Variants in NTRK2 observed in about 807,000 individuals in gnomAD.
The protein encoded by NTRK2 is BDNF/NT-3 growth factors receptor.
NTRK2 carries 13 observed loss-of-function variants against 94.5 expected under a neutral mutation model. That is an observed-to-expected ratio of 0.14 (90% CI 0.09 to 0.22). NTRK2 has a LOEUF of 0.22. NTRK2 is among the 10% of genes least tolerant of loss of function. NTRK2 has a pLI of 1.00. For synonymous variants in NTRK2, 372 were observed against 407.4 expected (o/e 0.91, Z 1.05); for missense variants, 639 against 1,071.2 (o/e 0.60, Z 5.63).
intron 12 of NTRK2, among the ~76,000 whole-genome samples, chr9:84,776,971 TCTC>T (rs1242226397): frequency 8.5e-5 from 13 of 152,198 alleles, no homozygotes; most frequent in African/African-American, 3.1e-4. Context: ...GAGAGAACTG[TCTC>T]CTCCTAATAG....
chr9:84,752,681 CTT>C (rs1189613761), intron 12 of NTRK2, among the ~76,000 whole-genome samples: 1 of 152,104 alleles, frequency 6.6e-6, no homozygotes, highest in Non-Finnish European at 1.5e-5. Context: ...AAATAGATAA[CTT>C]GTCTTTTTTT....
chr9:84,885,683 C>T (rs2076392105), intron 14 of NTRK2, among the ~76,000 whole-genome samples: 1 of 152,148 alleles, frequency 6.6e-6, no homozygotes, highest in African/African-American at 2.4e-5. Context: ...GGTTTTCCTA[C>T]TGACATCTTG....
chr9:84,924,077 T>A (rs917561180), intron 14 of NTRK2, among the ~76,000 whole-genome samples: 1 of 151,900 alleles, frequency 6.6e-6, no homozygotes, highest in Non-Finnish European at 1.5e-5. Context: ...GCTGGCGTGG[T>A]GGCACGCATC....
intron 2 of NTRK2, among the ~76,000 whole-genome samples, chr9:84,694,916 G>A (rs929554953): frequency 1.3e-5 from 2 of 151,762 alleles, no homozygotes; most frequent in Non-Finnish European, 2.9e-5. Flanking sequence ...GGTGGCTCAC[G>A]TCTGTAATGC....
intron 8 of NTRK2, 81 bp from the exon 9 acceptor site, chr9:84,727,573 C>G (rs1471604069): frequency 1.5e-6 from 2 of 1,360,812 alleles, no homozygotes; most frequent in African/African-American, 2.9e-5. Flanking sequence ...GAGTAAAATT[C>G]CCTATCAATG....
In NTRK2 at chr9:84,702,431, T is replaced by C. The variant is rs1178252143; in HGVS notation, c.359+12T>C. ...AACCTGCAGCACATGTAAGTAGAGATTGATTCTTTTGCTTCCCAGGACCCA... is the reference window on the plus strand; with the variant it reads ...AACCTGCAGCACATGTAAGTAGAGACTGATTCTTTTGCTTCCCAGGACCCA... On this transcript the variant is annotated intron_variant, in intron 4 of 18. Coordinates refer to ENST00000277120, the MANE Select transcript of NTRK2 (RefSeq NM_006180.6). 6 of 1,609,174 alleles carry C rather than the reference T, an allele frequency of 3.7e-6. No homozygotes were observed. Among genetic ancestry groups the C allele is most frequent in the Middle Eastern group, 1.7e-4 (1 of 6,058 alleles).
intron 14 of NTRK2, among the ~76,000 whole-genome samples, chr9:84,897,163 A>C (rs1052980780): frequency 7.2e-5 from 11 of 151,928 alleles, no homozygotes; most frequent in African/African-American, 2.4e-4. Flanking sequence ...TCTGAGACGG[A>C]GTCTCACTCT....
intron 17 of NTRK2, among the ~76,000 whole-genome samples, chr9:85,019,233 T>C (rs1401195588): frequency 6.6e-6 from 1 of 152,142 alleles, no homozygotes; most frequent in East Asian, 1.9e-4. Flanking sequence ...CCCAGAGTTG[T>C]TAGAGAGGTC....
chr9:84,847,055 A>G (rs968901257), intron 12 of NTRK2, among the ~76,000 whole-genome samples: 2 of 152,256 alleles, frequency 1.3e-5, no homozygotes, highest in African/African-American at 4.8e-5. Context: ...TTGAATAGCT[A>G]AAGTATATGT....
intron 12 of NTRK2, among the ~76,000 whole-genome samples, chr9:84,775,357 T>G (rs1295398679): frequency 6.6e-6 from 1 of 152,242 alleles, no homozygotes; most frequent in African/African-American, 2.4e-5. Context: ...CACATTTATT[T>G]TTTTTCAGAG....
chr9:84,882,876 G>A (rs780397371), intron 14 of NTRK2, among the ~76,000 whole-genome samples: 3 of 152,128 alleles, frequency 2.0e-5, no homozygotes, highest in Non-Finnish European at 2.9e-5. Flanking sequence ...CGATTTTCCT[G>A]CCTTAGCCTC....
In NTRK2 at chr9:85,020,361, T is replaced by C. The variant is rs767248118; in HGVS notation, c.2328T>C (p.Asn776=). 6.2e-7 allele frequency: 1 copy of C among 1,614,020 alleles called. No individual in the cohort carries two copies. Among genetic ancestry groups the C allele is most frequent in the East Asian group, 2.2e-5 (1 of 44,872 alleles). ...AGCCCTGGTACCAGCTGTCAAACAA[T>C]GAGGTGTGCAATGGGTCTGGCCAAG... ...GKQPWYQLSN[N]EVIECITQGR... is the part of the protein sequence containing the mutation. Residue 776 remains asparagine (N), a synonymous_variant, in exon 18 of 19, where the codon AAT becomes AAC. Transcript: ENST00000277120.
At chr9:85,015,777 G>A (rs1832153921) in intron 17 of NTRK2, among the ~76,000 whole-genome samples, 2 of 152,202 alleles carry the variant, frequency 1.3e-5, no homozygotes, top group Admixed American at 6.5e-5. Context: ...CCTTTGGGAA[G>A]TAGGGAGAAA....
At chr9:84,956,205 G>A (rs1385684358) in intron 17 of NTRK2, among the ~76,000 whole-genome samples, 3 of 152,204 alleles carry the variant, frequency 2.0e-5, no homozygotes, top group Non-Finnish European at 4.4e-5. Context: ...CCCTCCAAGC[G>A]CCATCTTGGT....
intron 12 of NTRK2, chr9:84,810,798 G>C (rs963811645): frequency 7.2e-6 from 10 of 1,395,752 alleles, no homozygotes; most frequent in Non-Finnish European, 8.4e-6. Context: ...GTAACTCTCA[G>C]GCAGCTAAGC....
At chr9:84,999,842 C>A (rs1386708786) in intron 17 of NTRK2, among the ~76,000 whole-genome samples, 1 of 152,162 alleles carries the variant, frequency 6.6e-6, no homozygotes, top group Non-Finnish European at 1.5e-5. Context: ...GCTTCCACCC[C>A]ACTGTTTCCT....
chr9:84,947,603 G>A (rs1031640737), intron 15 of NTRK2, among the ~76,000 whole-genome samples: 7 of 152,234 alleles, frequency 4.6e-5, no homozygotes, highest in Non-Finnish European at 1.0e-4. Flanking sequence ...TTGAGCTGGA[G>A]AGAGATGCAG....
At chr9:84,747,245 G>A (rs904117210) in intron 11 of NTRK2, among the ~76,000 whole-genome samples, 5 of 152,082 alleles carry the variant, frequency 3.3e-5, no homozygotes, top group Admixed American at 6.5e-5. Flanking sequence ...ACATGCTTCC[G>A]TAGATGACTA....
chr9:84,722,903 C>T (rs1422302587), intron 6 of NTRK2, among the ~76,000 whole-genome samples: 1 of 152,148 alleles, frequency 6.6e-6, no homozygotes, highest in African/African-American at 2.4e-5. Context: ...GAGTCCAACC[C>T]ATTTTCATTA....
Sources: allele counts gnomAD v4.1 joint callset (sites outside exome capture counted in the v4.1 genomes callset), GRCh38; gene constraint gnomAD v4.1.1; transcripts MANE v1.5; gene names NCBI Gene and HGNC (gene_info 2026-07-23, HGNC 2026-07-21).